CA14: variants seen among roughly 807,000 people sequenced by gnomAD.
CA14 encodes the protein carbonic anhydrase 14.
In CA14, 44 loss-of-function variants were observed where a neutral mutation model predicts 48.8. The observed-to-expected ratio is 0.90, with a 90% confidence interval of 0.71 to 1.16. CA14 has a LOEUF of 1.16. Among genes scored for constraint, CA14 ranks in the 50% most tolerant of loss-of-function variants. The pLI, the probability that CA14 is intolerant of heterozygous loss-of-function variation, is 0.00. For synonymous variants in CA14, 154 were observed against 155.0 expected (o/e 0.99, Z 0.05); for missense variants, 386 against 401.0 (o/e 0.96, Z 0.32).
Position 150,264,707 on chromosome 1 carries a change from T to C in CA14, c.*48T>C. 2.1e-6 allele frequency: 3 copies of C among 1,458,872 alleles called. No individual in the cohort carries two copies. The highest frequency in any genetic ancestry group is 2.9e-6 in the Non-Finnish European group (3 of 1,046,702). The allele number at this position is 1,458,872 out of a possible 1,614,324, so 90.4% of individuals were successfully genotyped here. A position where few individuals can be genotyped will look rare whatever the true frequency, so the allele number is the denominator to read the frequency against. On this transcript the variant is annotated 3_prime_UTR_variant, in exon 11 of 11. Transcript: ENST00000369111. Reference sequence around the variant, plus strand: ...TGTGGATGACTTCCCTTCATGCCTATCAGGAAGCCTCTAAAATGGGGTGTA... The same window carrying C: ...TGTGGATGACTTCCCTTCATGCCTACCAGGAAGCCTCTAAAATGGGGTGTA...
rs377465371 is a variant in CA14, at chr1:150,262,545, C to T, written c.420C>T (p.Asp140=). 10 of 1,613,514 alleles carry T rather than the reference C, an allele frequency of 6.2e-6. No homozygotes were observed. The highest frequency in any genetic ancestry group is 8.5e-6 in the Non-Finnish European group (10 of 1,179,404). Residue 140 remains aspartate, a synonymous_variant, in exon 5 of 11, where the codon GAC becomes GAT. Coordinates refer to ENST00000369111, the MANE Select transcript of CA14 (RefSeq NM_012113.3). Reference sequence around the variant, plus strand: ...TTTAGCTCCACATTGTACATTATGACTCTGATTCCTATGACAGCTTGAGTG... The same window carrying T: ...TTTAGCTCCACATTGTACATTATGATTCTGATTCCTATGACAGCTTGAGTG... The part of the protein sequence containing the change: ...TFAELHIVHY[D]SDSYDSLSEA...
In CA14 at chr1:150,262,886, C is replaced by G. The variant is rs1553848214; in HGVS notation, c.562+16C>G. 1 of 1,603,248 alleles carries G rather than the reference C, an allele frequency of 6.2e-7. No homozygotes were observed. The highest frequency in any genetic ancestry group is 8.5e-7 in the Non-Finnish European group (1 of 1,170,172). On this transcript the variant is annotated intron_variant, in intron 6 of 10. Coordinates refer to ENST00000369111, the MANE Select transcript of CA14 (RefSeq NM_012113.3). Reference sequence around the variant, plus strand: ...AGGCATAAAGGTGAGCCTTAAAAATCTATAGCAGGAAGTAAGATTAGACTT... The same window carrying G: ...AGGCATAAAGGTGAGCCTTAAAAATGTATAGCAGGAAGTAAGATTAGACTT...
chr1:150,258,478 C>T (rs1650733569), intron 1 of CA14, among the ~76,000 whole-genome samples: 1 of 152,080 alleles, frequency 6.6e-6, no homozygotes, highest in Admixed American at 6.6e-5. Flanking sequence ...GAGCTCTTTC[C>T]CCCACTGCCC....
chr1:150,258,748 T>C (rs1553847219), intron 1 of CA14, among the ~76,000 whole-genome samples: 1 of 152,210 alleles, frequency 6.6e-6, no homozygotes, highest in Non-Finnish European at 1.5e-5. Flanking sequence ...TACAAAGGAC[T>C]TTCAGGAGCT....
At chr1:150,258,487 C>G (rs1402595420) in intron 1 of CA14, among the ~76,000 whole-genome samples, 4 of 152,106 alleles carry the variant, frequency 2.6e-5, no homozygotes, top group Non-Finnish European at 5.9e-5. Context: ...CCCCCACTGC[C>G]CTGGTCCCAG....
chr1:150,262,145 C>G lies in CA14; in HGVS notation c.257-13C>G, dbSNP rs1553847996. On this transcript the variant is annotated splice_polypyrimidine_tract_variant and intron_variant, in intron 3 of 10. Transcript: ENST00000369111. Reference sequence around the variant, plus strand: ...ATGCCTCCACCAATCCGAGTTTGCTCTTTTCCTCACAGTGCAACTCTCTCT... The same window carrying G: ...ATGCCTCCACCAATCCGAGTTTGCTGTTTTCCTCACAGTGCAACTCTCTCT... 6.2e-7 allele frequency: 1 copy of G among 1,614,138 alleles called. No homozygotes were observed. Among genetic ancestry groups the G allele is most frequent in the East Asian group, 2.2e-5 (1 of 44,878 alleles).
At position 150,263,888 on chromosome 1, in the gene CA14, T is replaced by A. The variant is rs782473849; in HGVS notation, c.947+10T>A. 3.2e-6 allele frequency: 5 copies of A among 1,558,552 alleles called. No homozygotes were observed. The Admixed American group carries it at 6.8e-5, about 21-fold the overall frequency. On this transcript the variant is annotated intron_variant, in intron 10 of 10. Transcript: ENST00000369111. ...TTGCTAGAAAGATTCGGTGAGGCCC[T>A]ACTTTCCATTCCTCCAGTCCCTTCT...
intron 2 of CA14, chr1:150,260,567 A>T (rs1553847579): frequency 2.9e-6 from 1 of 344,988 alleles, no homozygotes; most frequent in African/African-American, 2.1e-5. Context: ...AGAGGCTGGC[A>T]GGATAGTTTC....
chr1:150,262,307 G>T lies in CA14; in HGVS notation c.399+7G>T. ...TGAAGCCACATTTGCAGAGGTACCA[G>T]GGAACAAAGAGCTGGGACTCAGACA... On this transcript the variant is annotated splice_region_variant and intron_variant, in intron 4 of 10. Coordinates refer to ENST00000369111, the MANE Select transcript of CA14 (RefSeq NM_012113.3). The T allele has an allele frequency of 6.3e-7, 1 of 1,591,342 alleles. No individual in the cohort carries two copies. The highest frequency in any genetic ancestry group is 8.6e-7 in the Non-Finnish European group (1 of 1,169,558).
chr1:150,262,955 G>A (rs141695105), intron 6 of CA14, 85 bp downstream of exon 6: 1 of 1,579,486 alleles, frequency 6.3e-7, no homozygotes, highest in Non-Finnish European at 8.7e-7. Context: ...CAATTACATA[G>A]AGCCAAGGAA....
Position 150,257,885 on chromosome 1 carries a change from A to C in CA14, c.-244A>C. On this transcript the variant is annotated 5_prime_UTR_variant, in exon 1 of 11. Transcript: ENST00000369111. ...AGACTGCAGAGGGAGATAAAGAGAG[A>C]GGGCAAAGAGGCAGCAAGAGATTTG... 1 of 323,022 alleles carries C rather than the reference A, an allele frequency of 3.1e-6. No homozygotes were observed. Among genetic ancestry groups the C allele is most frequent in the Non-Finnish European group, 5.8e-6 (1 of 172,834 alleles). The allele number at this position is 323,022 out of a possible 1,614,324, so 20.0% of individuals were successfully genotyped here.
At chr1:150,262,895 G>A (rs1651188393) in intron 6 of CA14, 25 bp downstream of exon 6, 6 of 1,596,590 alleles carry the variant, frequency 3.8e-6, no homozygotes, top group Middle Eastern at 1.7e-4. Context: ...TCTATAGCAG[G>A]AAGTAAGATT....
Position 150,257,929 on chromosome 1 carries a change from C to G in CA14, c.-200C>G, listed in dbSNP as rs587684537. 231 of 404,440 alleles carry G rather than the reference C, an allele frequency of 5.7e-4. 2 individuals are homozygous for G. The highest frequency in any genetic ancestry group is 4.7e-3 in the Middle Eastern group (7 of 1,502). 25.1% of individuals were successfully genotyped at this position (404,440 alleles called of 1,614,324 possible). On this transcript the variant is annotated 5_prime_UTR_variant, in exon 1 of 11. Transcript: ENST00000369111. ...AGATTTGTCCTGGGGATCCAGAAACCCATGATACCCTACTGAACACCGAAT... is the reference window on the plus strand; with the variant it reads ...AGATTTGTCCTGGGGATCCAGAAACGCATGATACCCTACTGAACACCGAAT...
At position 150,264,597 on chromosome 1, in the gene CA14, A is replaced by G. The variant is rs1296973211; in HGVS notation, c.952A>G (p.Lys318Glu). The change falls in exon 11 of 11, where the codon AAG becomes GAG. Residue 318 changes from lysine to glutamate, a missense_variant. Transcript: ENST00000369111. ...VYFIARKIRK[K>E]RLENRKSVVF... The stretch of plus-strand genomic sequence containing the variant: ...ATGAGCCATTCCCCTTTCCAGGAAG[A>G]AGAGGCTGGAAAACCGAAAGAGTGT... The G allele has an allele frequency of 2.5e-6, 4 of 1,600,592 alleles. No homozygotes were observed. In the African/African-American group the frequency reaches 5.4e-5, roughly 21 times the overall value.
In CA14 at chr1:150,261,519, C is replaced by T. The variant is rs587737167; in HGVS notation, c.137C>T (p.Ser46Leu). ...CCTGAGTGTGGAAACAATGCCCAGTCGCCCATCGATATTCAGACAGACAGT... is the reference window on the plus strand; with the variant it reads ...CCTGAGTGTGGAAACAATGCCCAGTTGCCCATCGATATTCAGACAGACAGT... ...SYPECGNNAQ[S>L]PIDIQTDSVT... The change falls in exon 3 of 11, where the codon TCG becomes TTG. Residue 46 changes from serine (S) to leucine (L), a missense_variant. Transcript: ENST00000369111. 4 of 1,614,166 alleles carry T rather than the reference C, an allele frequency of 2.5e-6. No homozygotes were observed. In the African/African-American group the frequency reaches 4.0e-5, roughly 16 times the overall value.
chr1:150,259,399 A>T (rs1451391518), intron 1 of CA14, among the ~76,000 whole-genome samples: 1 of 152,108 alleles, frequency 6.6e-6, no homozygotes, highest in African/African-American at 2.4e-5. Context: ...AGAGCCTGGC[A>T]TGTGACCCAG....
chr1:150,263,714 A>C, intron 9 of CA14, 35 bp downstream of exon 9: 1 of 1,613,618 alleles, frequency 6.2e-7, no homozygotes, highest in Non-Finnish European at 8.5e-7. Flanking sequence ...CGGGGAGGGG[A>C]GGTGTCCTCA....
intron 9 of CA14, 31 bp from the exon 10 acceptor site, chr1:150,263,763 G>C (rs587618172): frequency 1.9e-6 from 3 of 1,612,662 alleles, no homozygotes; most frequent in Non-Finnish European, 2.5e-6. Flanking sequence ...GTTAGTCCTA[G>C]GCTGACACCT....
chr1:150,263,431 C>CGGCTCAGAAGAGATGG lies in CA14; in HGVS notation c.841+14_841+29dup. 1 of 1,613,668 alleles carries CGGCTCAGAAGAGATGG rather than the reference C, an allele frequency of 6.2e-7. No homozygotes were observed. The highest frequency in any genetic ancestry group is 8.5e-7 in the Non-Finnish European group (1 of 1,179,920). On this transcript the variant is annotated intron_variant, in intron 8 of 10. Coordinates refer to ENST00000369111, the MANE Select transcript of CA14 (RefSeq NM_012113.3). ...TTCTTTCATCCAAGGTGATTCTGCA[C>CGGCTCAGAAGAGATGG]GGCTCAGAAGAGATGGGAAACTGAG... is the stretch of plus-strand genomic sequence containing the variant.
Sources: gnomAD v4.1 joint callset for allele counts (sites outside exome capture counted in the v4.1 genomes callset) on GRCh38, gnomAD v4.1.1 for gene constraint, MANE v1.5 for transcripts, NCBI Gene and HGNC (gene_info 2026-07-23, HGNC 2026-07-21) for gene names.